Variants in ADAMTS8 observed in about 807,000 individuals in gnomAD.
ADAMTS8 encodes ADAM metallopeptidase with thrombospondin type 1 motif 8, also known as A disintegrin and metalloproteinase with thrombospondin motifs 8.
ADAMTS8 carries 50 observed loss-of-function variants against 64.4 expected under a neutral mutation model. The observed-to-expected ratio is 0.78, with a 90% CI of 0.62 to 0.98. ADAMTS8 has a LOEUF of 0.98. Ranked by LOEUF, ADAMTS8 falls within the 50% of genes least tolerant of loss-of-function variation. ADAMTS8 has a pLI of 0.00. For synonymous variants in ADAMTS8, 556 were observed against 533.6 expected (o/e 1.04, Z -0.58); for missense variants, 1,192 against 1,208.2 (o/e 0.99, Z 0.20).
In ADAMTS8 at chr11:130,428,559, C is replaced by T. The variant is rs376646843; in HGVS notation, c.-273G>A. The T allele has an allele frequency of 0.023, 13,390 of 572,208 alleles. 185 individuals are homozygous for T. Among genetic ancestry groups the T allele is most frequent in the Non-Finnish European group, 0.026 (11,814 of 452,088 alleles). The allele number at this position is 572,208 out of a possible 1,614,324, so 35.4% of individuals were successfully genotyped here. A position where few individuals can be genotyped will look rare whatever the true frequency, so the allele number is the denominator to read the frequency against. ...TGCGCCCGTCCTCCGCCCCTGCCCG[C>T]GCCAGCCCCGCGCAGCCGCCTCCTG... On this transcript the variant is annotated 5_prime_UTR_variant, in exon 1 of 9. Coordinates refer to ENST00000257359, the MANE Select transcript of ADAMTS8 (RefSeq NM_007037.6).
intron 1 of ADAMTS8, among the ~76,000 whole-genome samples, chr11:130,420,741 G>A (rs555259397): frequency 5.3e-5 from 8 of 152,110 alleles, no homozygotes; most frequent in African/African-American, 9.7e-5. Flanking sequence ...GTTACTTGGC[G>A]TGTCAAGCAC....
chr11:130,424,750 T>A (rs937229820), intron 1 of ADAMTS8, among the ~76,000 whole-genome samples: 4 of 152,122 alleles, frequency 2.6e-5, no homozygotes, highest in Non-Finnish European at 5.9e-5. Flanking sequence ...GCTGAGACAG[T>A]CACGCCTGTC....
chr11:130,427,748 C>T lies in ADAMTS8; in HGVS notation c.539G>A (p.Gly180Glu). The change falls in exon 1 of 9, where the codon GGA becomes GAA. Residue 180 changes from glycine (G) to glutamate (E), a missense_variant. This residue lies in a region of ADAMTS8 where 741 missense variants were observed against 710.6 expected (regional missense o/e 1.04). Coordinates refer to ENST00000257359, the MANE Select transcript of ADAMTS8 (RefSeq NM_007037.6). The stretch of plus-strand genomic sequence containing the variant: ...CTCCTCGCTGTCCTCCTGGTGGTCT[C>T]CTCTCTCCTGCCTCTGACCCTCTCC... The part of the protein sequence containing the change: ...ETGEGQRQER[G>E]DHQEDSEEES... 3 of 1,596,336 alleles carry T rather than the reference C, an allele frequency of 1.9e-6. No individual in the cohort carries two copies. Among genetic ancestry groups the T allele is most frequent in the Non-Finnish European group, 2.6e-6 (3 of 1,172,382 alleles).
chr11:130,411,583 G>T lies in ADAMTS8; in HGVS notation c.1584C>A (p.Gly528=). Residue 528 remains glycine, a synonymous_variant, in exon 6 of 9, where the codon GGC becomes GGA. Transcript: ENST00000257359. The surrounding 1 kb of genome is among the most constrained non-coding windows in gnomAD (Gnocchi z 4.2). ...VERPKPVADG[G]WAPWGPWGEC... ...CTCCCCAGGGTCCCCACGGTGCCCA[G>T]CCTCCATCTGCCACGGGCTGCAACA... 1 of 1,614,006 alleles carries T rather than the reference G, an allele frequency of 6.2e-7. No individual in the cohort carries two copies. The highest frequency in any genetic ancestry group is 8.5e-7 in the Non-Finnish European group (1 of 1,179,986).
At chr11:130,417,300 A>T (rs1042122161) in intron 2 of ADAMTS8, among the ~76,000 whole-genome samples, 14 of 152,258 alleles carry the variant, frequency 9.2e-5, no homozygotes, top group African/African-American at 2.9e-4. Context: ...TCTGTCATCC[A>T]GGCTGGAGTG....
At chr11:130,414,906 T>C (rs1385229827) in intron 4 of ADAMTS8, 74 bp from the exon 5 acceptor site, 1 of 1,420,782 alleles carries the variant, frequency 7.0e-7, no homozygotes, top group Non-Finnish European at 9.3e-7. Context: ...TGGCCTGTGA[T>C]GGATGGCACT....
chr11:130,406,005 C>A lies in ADAMTS8; in HGVS notation c.2223G>T (p.Gln741His). The A allele has an allele frequency of 1.9e-6, 3 of 1,614,258 alleles. No homozygotes were observed. The highest frequency in any genetic ancestry group is 2.5e-6 in the Non-Finnish European group (3 of 1,180,052). ...TGGCCAGGTTGCCGTTGAGCAGGTA[C>A]TGCCCATCAGCCGTCTTCAGCGCCA... is the stretch of plus-strand genomic sequence containing the variant. ...NYLALKTADG[Q>H]YLLNGNLAIS... Residue 741 changes from glutamine to histidine, a missense_variant, in exon 9 of 9, where the codon CAG (glutamine) becomes CAT (histidine). Around this residue, in one of 5 missense-constraint regions of ADAMTS8, gnomAD observed 290 missense variants for 297.8 expected, o/e 0.97. Coordinates refer to ENST00000257359, the MANE Select transcript of ADAMTS8 (RefSeq NM_007037.6).
rs1188838343 is a variant in ADAMTS8 at position 130,427,663 on chromosome 11, C to T, written c.624G>A (p.Thr208=). 4 of 1,594,542 alleles carry T rather than the reference C, an allele frequency of 2.5e-6. No individual in the cohort carries two copies. The highest frequency in any genetic ancestry group is 1.3e-5 in the African/African-American group (1 of 74,536). The part of the protein sequence containing the change: ...ASEPPPPLGA[T]SRTKRFVSEA... ...CAGACACAAACCGCTTGGTCCTACT[C>T]GTGGCCCCCAGGGGCGGTGGCGGCT... Residue 208 remains threonine, a synonymous_variant, in exon 1 of 9, where the codon ACG becomes ACA. Transcript: ENST00000257359.
At chr11:130,418,530 C>A (rs778191806) in intron 2 of ADAMTS8, among the ~76,000 whole-genome samples, 16 of 152,208 alleles carry the variant, frequency 1.1e-4, no homozygotes, top group Admixed American at 3.3e-4. Context: ...TTCTCTGTTA[C>A]AAAATGGGGA....
intron 1 of ADAMTS8, among the ~76,000 whole-genome samples, chr11:130,425,814 G>T (rs1411441463): frequency 6.6e-6 from 1 of 152,038 alleles, no homozygotes; most frequent in African/African-American, 2.4e-5. Flanking sequence ...TGTTAGCCAG[G>T]ATGGTCTTGA....
intron 1 of ADAMTS8, among the ~76,000 whole-genome samples, chr11:130,427,324 T>C (rs892199390): frequency 2.6e-5 from 4 of 151,936 alleles, no homozygotes; most frequent in Non-Finnish European, 5.9e-5. Context: ...CACTCTAAAC[T>C]GGAAGGGACC....
In ADAMTS8 at chr11:130,410,310, A is replaced by G. The variant is rs1861936863; in HGVS notation, c.1750+1107T>C. ...CAGAGACCATGCCTTTTACATTTTC[A>G]TACATTTTTATAGTTCTAGACACAC... On this transcript the variant is annotated intron_variant, in intron 6 of 8. Transcript: ENST00000257359. 1.3e-5 allele frequency among the ~76,000 whole-genome samples: 2 copies of G among 152,162 alleles called. 1 individual carries two copies.
chr11:130,421,614 T>C (rs1330974766), intron 1 of ADAMTS8, among the ~76,000 whole-genome samples: 1 of 152,226 alleles, frequency 6.6e-6, no homozygotes, highest in East Asian at 1.9e-4. Flanking sequence ...CTTGTTCTAC[T>C]GAGTTTTTGG....
Position 130,427,558 on chromosome 11 carries a change from C to T in ADAMTS8, c.720+9G>A, listed in dbSNP as rs1862185349. 3.9e-6 allele frequency: 6 copies of T among 1,534,498 alleles called. No homozygotes were observed. The highest frequency in any genetic ancestry group is 2.5e-5 in the East Asian group (1 of 40,636). On this transcript the variant is annotated intron_variant, in intron 1 of 8. Coordinates refer to ENST00000257359, the MANE Select transcript of ADAMTS8 (RefSeq NM_007037.6). ...GGGCACGGCGGCTGGAGGAGGCTCT[C>T]AGTCCTACCTGCAGGTCGGCCCCGT...
At position 130,405,862 on chromosome 11, in the gene ADAMTS8, T is replaced by A; in HGVS notation, c.2366A>T (p.Gln789Leu). The A allele has an allele frequency of 1.9e-6, 3 of 1,614,088 alleles. No individual in the cohort carries two copies. Among genetic ancestry groups the A allele is most frequent in the Non-Finnish European group, 1.7e-6 (2 of 1,180,042 alleles). Residue 789 changes from glutamine (Q) to leucine (L), a missense_variant, in exon 9 of 9, where the codon CAG (glutamine) becomes CTG (leucine). By Grantham distance (113) the Gln-to-Leu change is moderately radical (BLOSUM62 -2). Coordinates refer to ENST00000257359, the MANE Select transcript of ADAMTS8 (RefSeq NM_007037.6). ...GACCTCGCCAGGGACTGTCAGGAGC[T>A]GCACTGTCAGAGGCTCTGGCAAGGG... ...FRPLPEPLTV[Q>L]LLTVPGEVFP...
chr11:130,428,522 C>A lies in ADAMTS8; in HGVS notation c.-236G>T, dbSNP rs1862216207. 2 of 893,588 alleles carry A rather than the reference C, an allele frequency of 2.2e-6. No individual in the cohort carries two copies. The allele number at this position is 893,588 out of a possible 1,614,324, so 55.4% of individuals were successfully genotyped here. On this transcript the variant is annotated 5_prime_UTR_variant, in exon 1 of 9. Coordinates refer to ENST00000257359, the MANE Select transcript of ADAMTS8 (RefSeq NM_007037.6). ...CCCCGAGCCGAGCGCGAGCAGCTGG[C>A]CCCGGCCCGCGTGCGCCCGTCCTCC...
chr11:130,425,761 T>C lies in ADAMTS8; in HGVS notation c.720+1806A>G, dbSNP rs1043673014. Among the ~76,000 whole-genome samples, 23 of 151,990 alleles carry C rather than the reference T, an allele frequency of 1.5e-4. 1 individual carries two copies. Among genetic ancestry groups the C allele is most frequent in the South Asian group, 1.0e-3 (5 of 4,802 alleles). On this transcript the variant is annotated intron_variant, in intron 1 of 8. Coordinates refer to ENST00000257359, the MANE Select transcript of ADAMTS8 (RefSeq NM_007037.6). ...GACTACAGGCGCCCACCACCACGCC[T>C]GGCTATTTTTTTTGTATTTTTAGTA... is the stretch of plus-strand genomic sequence containing the variant.
rs1302893740 is a variant in ADAMTS8 at position 130,411,930 on chromosome 11, C to T, written c.1567-330G>A. 2.9e-5 allele frequency: 8 copies of T among 279,860 alleles called. No homozygotes were observed. Among genetic ancestry groups the T allele is most frequent in the African/African-American group, 6.4e-5 (3 of 46,542 alleles). The allele number at this position is 279,860 out of a possible 1,614,324, so 17.3% of individuals were successfully genotyped here. ...GGTTGCATATAATGCAGTGGTTCTC[C>T]GTTGGGGCGAATTCTGCCCTCCAGG... On this transcript the variant is annotated intron_variant, in intron 5 of 8. Transcript: ENST00000257359. This position sits in a 1 kb window ranked among gnomAD's most constrained non-coding sequence, Gnocchi z 4.2.
chr11:130,427,479 G>A (rs12785977), intron 1 of ADAMTS8, 88 bp downstream of exon 1: 3 of 780,236 alleles, frequency 3.8e-6, no homozygotes, highest in Non-Finnish European at 5.5e-6. Flanking sequence ...TTTTTTCTCA[G>A]AGGGATTGGA....
Sources: gnomAD v4.1 joint callset for allele counts (sites outside exome capture counted in the v4.1 genomes callset) on GRCh38, gnomAD v4.1.1 for gene constraint, gnomAD v4.1.1 regional missense constraint, Gnocchi (gnomAD v3.1) non-coding constraint, MANE v1.5 for transcripts, NCBI Gene and HGNC (gene_info 2026-07-23, HGNC 2026-07-21) for gene names.